The following DYNC1I1 variants were observed in gnomAD, a reference collection of about 807,000 sequenced individuals.
The protein encoded by DYNC1I1 is cytoplasmic dynein 1 intermediate chain 1.
DYNC1I1 carries 43 observed loss-of-function variants against 86.6 expected under a neutral mutation model. The ratio of observed to expected loss-of-function variants is 0.50; its 90% confidence interval spans 0.39 to 0.64. DYNC1I1 has a LOEUF of 0.64. Among genes scored for constraint, DYNC1I1 ranks in the 30% least tolerant of loss-of-function variants. The pLI is 0.00. For missense variants in DYNC1I1, 604 were observed against 788.8 expected, an observed-to-expected ratio of 0.77 and a Z score of 2.81; for synonymous variants, 262 against 283.7, an observed-to-expected ratio of 0.92 and a Z score of 0.77.
chr7:96,109,297 T>G (rs1049333666), intron 16 of DYNC1I1, among the ~76,000 whole-genome samples: 1 of 152,054 alleles, frequency 6.6e-6, no homozygotes, highest in Non-Finnish European at 1.5e-5. Flanking sequence ...TGTGCCATGT[T>G]GGTGTGCTGC....
chr7:95,889,723 T>C (rs1295268851), intron 6 of DYNC1I1, among the ~76,000 whole-genome samples: 1 of 152,000 alleles, frequency 6.6e-6, no homozygotes, highest in Non-Finnish European at 1.5e-5. Context: ...CCAGTATCTA[T>C]AAAAAAACTT....
chr7:95,828,662 A>G (rs1364570713), intron 5 of DYNC1I1, among the ~76,000 whole-genome samples: 1 of 152,220 alleles, frequency 6.6e-6, no homozygotes, highest in Non-Finnish European at 1.5e-5. Flanking sequence ...TATTTCAAAT[A>G]CTAGATGTTG....
intron 5 of DYNC1I1, among the ~76,000 whole-genome samples, chr7:95,836,266 A>G (rs1312828519): frequency 6.6e-6 from 1 of 152,040 alleles, no homozygotes; most frequent in African/African-American, 2.4e-5. Context: ...TTCTGGGTTG[A>G]AAATTCTTTA....
chr7:95,983,416 C>G (rs1305171811), intron 7 of DYNC1I1, among the ~76,000 whole-genome samples: 1 of 152,118 alleles, frequency 6.6e-6, no homozygotes, highest in Non-Finnish European at 1.5e-5. Flanking sequence ...GAGAGCATTT[C>G]TTAAGGTGTG....
At chr7:95,868,880 C>A (rs549721460) in intron 5 of DYNC1I1, among the ~76,000 whole-genome samples, 39 of 152,178 alleles carry the variant, frequency 2.6e-4, no homozygotes, top group African/African-American at 8.4e-4. Flanking sequence ...AATGGTGGGG[C>A]TAGGGGTTAT....
intron 1 of DYNC1I1, among the ~76,000 whole-genome samples, chr7:95,803,911 A>C (rs1332271626): frequency 6.6e-6 from 1 of 152,148 alleles, no homozygotes; most frequent in Non-Finnish European, 1.5e-5. Context: ...TGTTACTGGC[A>C]CCATCACTAC....
At chr7:95,877,413 C>T (rs1172244803) in intron 6 of DYNC1I1, among the ~76,000 whole-genome samples, 1 of 152,142 alleles carries the variant, frequency 6.6e-6, no homozygotes, top group Non-Finnish European at 1.5e-5. Flanking sequence ...CCTACTCTCC[C>T]ACACAGCCAG....
chr7:95,847,817 C>CT (rs1789474674), intron 5 of DYNC1I1, among the ~76,000 whole-genome samples: 1 of 152,142 alleles, frequency 6.6e-6, no homozygotes, highest in Non-Finnish European at 1.5e-5. Flanking sequence ...TTCCACTTAA[C>CT]TGATTCCTGC....
At chr7:96,061,710 T>TCACA (rs753791899) in intron 14 of DYNC1I1, among the ~76,000 whole-genome samples, 242 of 112,698 alleles carry the variant, frequency 2.1e-3, no homozygotes, top group Middle Eastern at 4.1e-3. Flanking sequence ...TCTCTCTCTC[T>TCACA]CTCACACACA....
intron 5 of DYNC1I1, among the ~76,000 whole-genome samples, chr7:95,854,861 T>G (rs912684134): frequency 6.6e-6 from 1 of 152,108 alleles, no homozygotes; most frequent in Non-Finnish European, 1.5e-5. Context: ...CAGAAACAGA[T>G]GAATTGGCTA....
intron 5 of DYNC1I1, among the ~76,000 whole-genome samples, chr7:95,868,773 A>G (rs1459599880): frequency 3.9e-5 from 6 of 152,212 alleles, no homozygotes; most frequent in Admixed American, 3.3e-4. Flanking sequence ...GACATTACCC[A>G]TAACAATTAG....
chr7:96,050,038 CAA>C (rs78767576), intron 14 of DYNC1I1, among the ~76,000 whole-genome samples: 1 of 139,022 alleles, frequency 7.2e-6, no homozygotes. Flanking sequence ...AACAAACAAA[CAA>C]AAAAAAAAAC....
chr7:95,822,080 T>C (rs2115891065), intron 4 of DYNC1I1, among the ~76,000 whole-genome samples: 1 of 152,298 alleles, frequency 6.6e-6, no homozygotes, highest in African/African-American at 2.4e-5. Flanking sequence ...TGGGAAGAAA[T>C]TGACCACTCA....
At position 96,032,760 on chromosome 7, in the gene DYNC1I1, G is replaced by C; in HGVS notation, c.1210G>C (p.Asp404His). 1 of 1,613,512 alleles carries C rather than the reference G, an allele frequency of 6.2e-7. No individual in the cohort carries two copies. Among genetic ancestry groups the C allele is most frequent in the Non-Finnish European group, 8.5e-7 (1 of 1,179,640 alleles). ...TGGCAAAATGTGTTCCTGGAGCCTGGACATGCTCTCAACTCCACAGGTGGG... is the reference window on the plus strand; with the variant it reads ...TGGCAAAATGTGTTCCTGGAGCCTGCACATGCTCTCAACTCCACAGGTGGG... ...TDGKMCSWSL[D>H]MLSTPQESME... The change falls in exon 12 of 17, where the codon GAC (aspartate) becomes CAC (histidine). Residue 404 changes from aspartate (D) to histidine (H), a missense_variant. By Grantham distance (81) the Asp-to-His change is moderately conservative. Coordinates refer to ENST00000447467, the MANE Select transcript of DYNC1I1 (RefSeq NM_001135556.2).
chr7:95,944,992 G>A (rs1231639665), intron 6 of DYNC1I1, among the ~76,000 whole-genome samples: 1 of 151,176 alleles, frequency 6.6e-6, no homozygotes, highest in Non-Finnish European at 1.5e-5. Flanking sequence ...CCTGCACATT[G>A]TGCACATGTA....
At chr7:95,920,996 T>C (rs1355036566) in intron 6 of DYNC1I1, among the ~76,000 whole-genome samples, 9 of 152,166 alleles carry the variant, frequency 5.9e-5, no homozygotes, top group Non-Finnish European at 1.3e-4. Context: ...CAGTCAAGAA[T>C]TGTGTAATTT....
chr7:95,880,300 G>T (rs1027936674), intron 6 of DYNC1I1, among the ~76,000 whole-genome samples: 1 of 151,986 alleles, frequency 6.6e-6, no homozygotes, highest in Non-Finnish European at 1.5e-5. Flanking sequence ...AAGTCCGTTC[G>T]TGGAATACTC....
At chr7:95,918,221 C>A (rs1245226575) in intron 6 of DYNC1I1, among the ~76,000 whole-genome samples, 2 of 152,090 alleles carry the variant, frequency 1.3e-5, no homozygotes, top group Non-Finnish European at 2.9e-5. Flanking sequence ...TGATTGATTA[C>A]ATTAAATAAG....
chr7:96,102,023 CAAGT>C (rs1791143936), downstream of DYNC1I1, among the ~76,000 whole-genome samples: 1 of 151,704 alleles, frequency 6.6e-6, no homozygotes, highest in African/African-American at 2.4e-5. Flanking sequence ...CAAGCTCAAC[CAAGT>C]AAGATCACTG....
Sources: gnomAD v4.1 joint callset for allele counts (sites outside exome capture counted in the v4.1 genomes callset) on GRCh38, gnomAD v4.1.1 for gene constraint, MANE v1.5 for transcripts, NCBI Gene and HGNC (gene_info 2026-07-23, HGNC 2026-07-21) for gene names.